Variants in PAK5 observed in about 807,000 individuals in gnomAD.
PAK5 encodes p21 (RAC1) activated kinase 5.
PAK5 carries 16 observed loss-of-function variants against 65.9 expected under a neutral mutation model. The observed-to-expected ratio is 0.24, with a 90% CI of 0.16 to 0.37. The LOEUF (loss-of-function observed/expected upper bound fraction) is 0.37. Among genes scored for constraint, PAK5 ranks in the 10% least tolerant of loss-of-function variants. The probability of loss-of-function intolerance (pLI) is 1.00; values close to 1 mark genes in which losing one functional copy is unlikely to be tolerated. For missense variants in PAK5, 785 were observed against 903.9 expected, an observed-to-expected ratio of 0.87 and a Z score of 1.69; for synonymous variants, 371 against 354.9, an observed-to-expected ratio of 1.05 and a Z score of -0.51.
chr20:9,617,864 A>G (rs2046690268), intron 3 of PAK5, among the ~76,000 whole-genome samples: 1 of 152,108 alleles, frequency 6.6e-6, no homozygotes, highest in Non-Finnish European at 1.5e-5. Flanking sequence ...AAGAATCCCA[A>G]TTCTTATCTG....
chr20:9,791,795 C>T (rs901164235), intron 1 of PAK5, among the ~76,000 whole-genome samples: 1 of 152,142 alleles, frequency 6.6e-6, no homozygotes, highest in Non-Finnish European at 1.5e-5. Flanking sequence ...CCATGAGCCT[C>T]ATAGAGGCAA....
chr20:9,812,859 G>A (rs1189987000), intron 1 of PAK5, among the ~76,000 whole-genome samples: 1 of 151,974 alleles, frequency 6.6e-6, no homozygotes, highest in Non-Finnish European at 1.5e-5. Context: ...TTGATGTGAC[G>A]GATATCCCAG....
chr20:9,558,226 C>T (rs1412134571), intron 6 of PAK5, among the ~76,000 whole-genome samples: 1 of 151,918 alleles, frequency 6.6e-6, no homozygotes, highest in Non-Finnish European at 1.5e-5. Context: ...TTCTCTCTGC[C>T]TCAGCCTCCC....
chr20:9,828,531 T>C (rs1457052022), intron 1 of PAK5, among the ~76,000 whole-genome samples: 1 of 152,188 alleles, frequency 6.6e-6, no homozygotes, highest in Non-Finnish European at 1.5e-5. Context: ...AAATAAAGTG[T>C]GAATTTTCTA....
At chr20:9,559,318 A>T (rs376776716) in intron 6 of PAK5, among the ~76,000 whole-genome samples, 6 of 152,234 alleles carry the variant, frequency 3.9e-5, no homozygotes, top group African/African-American at 1.4e-4. Context: ...GTGAAACTCC[A>T]GTAATCCCAG....
At chr20:9,596,592 C>G (rs1176636495) in intron 3 of PAK5, among the ~76,000 whole-genome samples, 1 of 131,396 alleles carries the variant, frequency 7.6e-6, no homozygotes, top group Non-Finnish European at 1.5e-5. Context: ...GCTGAGATAG[C>G]ACTACTGCAC....
chr20:9,731,473 T>G (rs2048334311), intron 1 of PAK5, among the ~76,000 whole-genome samples: 1 of 152,192 alleles, frequency 6.6e-6, no homozygotes, highest in Non-Finnish European at 1.5e-5. Flanking sequence ...AAGTTCTCAG[T>G]AGCCACATGT....
intron 1 of PAK5, among the ~76,000 whole-genome samples, chr20:9,760,673 C>CTTTTTTTTTTT (rs5840332): frequency 2.4e-4 from 30 of 122,796 alleles, no homozygotes; most frequent in East Asian, 4.7e-4. Flanking sequence ...CTTTTCTTTT[C>CTTTTTTTTTTT]TTTTTTTTTT....
At chr20:9,691,944 T>A (rs2047803578) in intron 2 of PAK5, among the ~76,000 whole-genome samples, 3 of 152,206 alleles carry the variant, frequency 2.0e-5, no homozygotes, top group Non-Finnish European at 4.4e-5. Flanking sequence ...ATGGGGCTGG[T>A]AGTCCCTCCC....
intron 6 of PAK5, among the ~76,000 whole-genome samples, chr20:9,558,119 CT>C (rs1198943759): frequency 2.7e-5 from 4 of 149,194 alleles, no homozygotes; most frequent in African/African-American, 2.5e-5. Context: ...TGCAGTCTTC[CT>C]TTTTTTTTGA....
chr20:9,763,429 A>G (rs2048722271), intron 1 of PAK5, among the ~76,000 whole-genome samples: 1 of 152,180 alleles, frequency 6.6e-6, no homozygotes, highest in African/African-American at 2.4e-5. Context: ...ATAGCTTCTT[A>G]CATGTCAACC....
chr20:9,689,182 T>C (rs993176108), intron 2 of PAK5, among the ~76,000 whole-genome samples: 6 of 152,146 alleles, frequency 3.9e-5, no homozygotes, highest in African/African-American at 1.4e-4. Flanking sequence ...AGTCAGGAGG[T>C]GTCACTGCTC....
intron 5 of PAK5, among the ~76,000 whole-genome samples, chr20:9,564,451 A>T (rs561658703): frequency 1.3e-5 from 2 of 152,316 alleles, no homozygotes; most frequent in South Asian, 4.1e-4. Flanking sequence ...AATGGCCTAT[A>T]ACCACATAAA....
intron 2 of PAK5, among the ~76,000 whole-genome samples, chr20:9,673,887 C>T (rs2123378146): frequency 6.6e-6 from 1 of 152,260 alleles, no homozygotes; most frequent in Non-Finnish European, 1.5e-5. Flanking sequence ...GGCCACTGAC[C>T]CCAGTGCAGT....
intron 3 of PAK5, among the ~76,000 whole-genome samples, chr20:9,634,729 C>G (rs538236624): frequency 1.3e-5 from 2 of 152,078 alleles, no homozygotes; most frequent in East Asian, 1.9e-4. Flanking sequence ...TATTTGGAAA[C>G]AAGATTACCT....
chr20:9,591,559 G>C (rs1359515222), intron 3 of PAK5, among the ~76,000 whole-genome samples: 1 of 151,832 alleles, frequency 6.6e-6, no homozygotes, highest in Non-Finnish European at 1.5e-5. Context: ...AAAGCAACTT[G>C]AAAATTCTTT....
At chr20:9,630,690 C>T (rs1797004552) in intron 3 of PAK5, among the ~76,000 whole-genome samples, 1 of 152,176 alleles carries the variant, frequency 6.6e-6, no homozygotes, top group African/African-American at 2.4e-5. Flanking sequence ...TGCTGCCTTT[C>T]ATGAAAAGGA....
chr20:9,639,467 T>C (rs1044085870), intron 3 of PAK5, among the ~76,000 whole-genome samples: 2 of 152,318 alleles, frequency 1.3e-5, no homozygotes, highest in South Asian at 4.1e-4. Flanking sequence ...ACTTTACTCT[T>C]TATGGGTGAG....
chr20:9,804,580 G>T (rs1005199114), intron 1 of PAK5, among the ~76,000 whole-genome samples: 2 of 152,072 alleles, frequency 1.3e-5, no homozygotes, highest in Non-Finnish European at 2.9e-5. Flanking sequence ...ATAGATCAAA[G>T]ACCTAAATGT....
Sources: allele counts gnomAD v4.1 joint callset (sites outside exome capture counted in the v4.1 genomes callset), GRCh38; gene constraint gnomAD v4.1.1; transcripts MANE v1.5; gene names NCBI Gene and HGNC (gene_info 2026-07-23, HGNC 2026-07-21).